Variants in PLGRKT observed in about 807,000 individuals in gnomAD.
PLGRKT encodes the protein plasminogen receptor (KT).
A neutral mutation model predicts 18.5 loss-of-function variants in PLGRKT; 22 were observed. The ratio of observed to expected loss-of-function variants is 1.19; its 90% confidence interval spans 0.85 to 1.70. The LOEUF is 1.70. PLGRKT is among the 40% of genes most tolerant of loss of function. The pLI is 0.00. For synonymous variants in PLGRKT, 72 were observed against 52.8 expected, an observed-to-expected ratio of 1.36 and a Z score of -1.58; for missense variants, 235 against 174.4, an observed-to-expected ratio of 1.35 and a Z score of -1.96.
chr9:5,366,560 G>A (rs1053263118), intron 3 of PLGRKT, among the ~76,000 whole-genome samples: 1 of 151,908 alleles, frequency 6.6e-6, no homozygotes, highest in Non-Finnish European at 1.5e-5. Flanking sequence ...GAGCACATAA[G>A]ACGCTCCACA....
intron 3 of PLGRKT, among the ~76,000 whole-genome samples, chr9:5,411,861 A>T (rs551894849): frequency 2.6e-5 from 4 of 152,370 alleles, no homozygotes; most frequent in African/African-American, 7.2e-5. Context: ...ATTCTTGAAT[A>T]AAATGACTCA....
At chr9:5,371,921 T>C (rs893086675) in intron 3 of PLGRKT, among the ~76,000 whole-genome samples, 1 of 150,114 alleles carries the variant, frequency 6.7e-6, no homozygotes, top group Admixed American at 6.7e-5. Context: ...TTATACTCTA[T>C]AATAATTAGG....
chr9:5,407,305 C>T (rs1468594919), intron 3 of PLGRKT, among the ~76,000 whole-genome samples: 4 of 152,108 alleles, frequency 2.6e-5, no homozygotes, highest in African/African-American at 9.7e-5. Flanking sequence ...TTGAACTGAA[C>T]CTACCCATGA....
chr9:5,397,430 TA>T (rs1818071928), intron 3 of PLGRKT, among the ~76,000 whole-genome samples: 1 of 152,054 alleles, frequency 6.6e-6, no homozygotes, highest in East Asian at 1.9e-4. Flanking sequence ...TCATTTCTAT[TA>T]AACGTAGGCT....
intron 3 of PLGRKT, among the ~76,000 whole-genome samples, chr9:5,395,834 T>A (rs372014935): frequency 2.0e-5 from 3 of 151,640 alleles, no homozygotes; most frequent in Middle Eastern, 3.2e-3. Context: ...GGATTTTTTT[T>A]ATTTGATTGG....
intron 4 of PLGRKT, 32 bp from the exon 5 acceptor site, chr9:5,361,219 CA>C: frequency 8.0e-7 from 1 of 1,257,648 alleles, no homozygotes; most frequent in South Asian, 1.3e-5. Context: ...GAACCAATAT[CA>C]AAAAATAACC....
intron 3 of PLGRKT, among the ~76,000 whole-genome samples, chr9:5,412,454 C>T (rs1252926462): frequency 6.6e-6 from 1 of 152,188 alleles, no homozygotes; most frequent in African/African-American, 2.4e-5. Flanking sequence ...AAATTAATGT[C>T]CCTATCATGA....
intron 3 of PLGRKT, among the ~76,000 whole-genome samples, chr9:5,424,395 CATAAT>C (rs1283762971): frequency 3.3e-5 from 4 of 122,028 alleles, no homozygotes; most frequent in Admixed American, 1.9e-4. Context: ...TATTATAAAA[CATAAT>C]ATATTATATA....
At chr9:5,394,087 T>A (rs1402037103) in intron 3 of PLGRKT, among the ~76,000 whole-genome samples, 2 of 151,868 alleles carry the variant, frequency 1.3e-5, no homozygotes, top group Admixed American at 6.5e-5. Context: ...TTCATACACA[T>A]CCCTTTCCTA....
chr9:5,389,204 C>G (rs1032381194), intron 3 of PLGRKT, among the ~76,000 whole-genome samples: 2 of 151,884 alleles, frequency 1.3e-5, no homozygotes, highest in African/African-American at 4.9e-5. Context: ...AAGAAAAAAG[C>G]AGGCAACAGT....
chr9:5,367,867 A>G lies in PLGRKT; in HGVS notation c.82-5979T>C, dbSNP rs566062673. On this transcript the variant is annotated intron_variant, in intron 3 of 5. Transcript: ENST00000223864. ...GACAAAGGTCTAGTATCCAGAATCT[A>G]TAAGGAACTTAAACAACTCAATAAG... is the stretch of plus-strand genomic sequence containing the variant. Among the ~76,000 whole-genome samples the G allele has an allele frequency of 3.3e-5, 5 of 152,348 alleles. No homozygotes were observed. The East Asian group carries it at 9.6e-4, about 29-fold the overall frequency.
At chr9:5,373,908 C>T (rs551323796) in intron 3 of PLGRKT, among the ~76,000 whole-genome samples, 1 of 152,286 alleles carries the variant, frequency 6.6e-6, no homozygotes, top group Non-Finnish European at 1.5e-5. Context: ...AGGGAAAAGG[C>T]ACCTCCTAAG....
At chr9:5,434,571 G>A (rs1206866623) in intron 2 of PLGRKT, among the ~76,000 whole-genome samples, 1 of 149,086 alleles carries the variant, frequency 6.7e-6, no homozygotes, top group Non-Finnish European at 1.5e-5. Context: ...CGCCCCGTCT[G>A]GGAAGTGGGC....
chr9:5,397,679 T>A (rs377112216), intron 3 of PLGRKT, among the ~76,000 whole-genome samples: 37 of 149,710 alleles, frequency 2.5e-4, no homozygotes, highest in African/African-American at 9.0e-4. Context: ...TGGAGGCATC[T>A]GCCTAAACAC....
chr9:5,427,616 A>G (rs750759956), intron 3 of PLGRKT, among the ~76,000 whole-genome samples: 5 of 152,232 alleles, frequency 3.3e-5, no homozygotes, highest in Non-Finnish European at 7.3e-5. Context: ...AAACCATAGT[A>G]TACATAGGCT....
At position 5,358,203 on chromosome 9, in the gene PLGRKT, A is replaced by G. The variant is rs371440906; in HGVS notation, c.*36T>C. The G allele has an allele frequency of 3.0e-5, 47 of 1,544,704 alleles. 1 individual carries two copies. In the South Asian group the frequency reaches 4.8e-4, roughly 16 times the overall value. ...GTAAAAACCATGATTCAAGTCAATA[A>G]TTCTGTGCTTTGAGATTTGATTGGT... is the stretch of plus-strand genomic sequence containing the variant. On this transcript the variant is annotated 3_prime_UTR_variant, in exon 6 of 6. Transcript: ENST00000223864.
chr9:5,384,041 A>G (rs376704508), intron 3 of PLGRKT, among the ~76,000 whole-genome samples: 2 of 152,224 alleles, frequency 1.3e-5, no homozygotes, highest in East Asian at 1.9e-4. Flanking sequence ...GCGCCTGACC[A>G]TTTGTGGCAG....
intron 3 of PLGRKT, among the ~76,000 whole-genome samples, chr9:5,364,300 AT>A (rs1233373459): frequency 1.3e-5 from 2 of 151,996 alleles, no homozygotes; most frequent in Admixed American, 6.6e-5. Flanking sequence ...CATAGCTCAT[AT>A]TTTTTTTCCC....
chr9:5,359,838 T>A (rs1189873459), intron 5 of PLGRKT, among the ~76,000 whole-genome samples: 4 of 152,184 alleles, frequency 2.6e-5, no homozygotes, highest in African/African-American at 9.7e-5. Context: ...ACCAACCAGT[T>A]CTCTGAAAAT....
Sources: allele counts gnomAD v4.1 joint callset (sites outside exome capture counted in the v4.1 genomes callset), GRCh38; gene constraint gnomAD v4.1.1; transcripts MANE v1.5; gene names NCBI Gene and HGNC (gene_info 2026-07-23, HGNC 2026-07-21).